Variants in OSBP observed in about 807,000 individuals in gnomAD.
OSBP encodes oxysterol binding protein.
OSBP carries 32 observed loss-of-function variants against 96.6 expected under a neutral mutation model. The observed-to-expected ratio is 0.33, with a 90% CI of 0.25 to 0.45. OSBP has a LOEUF of 0.45. Among genes scored for constraint, OSBP ranks in the 20% least tolerant of loss-of-function variants. The pLI is 1.00. For synonymous variants in OSBP, 369 were observed against 389.6 expected, an observed-to-expected ratio of 0.95 and a Z score of 0.62; for missense variants, 653 against 1,029.7, an observed-to-expected ratio of 0.63 and a Z score of 5.01.
chr11:59,608,383 T>A, intron 3 of OSBP, 101 bp downstream of exon 3: 1 of 1,405,334 alleles, frequency 7.1e-7, no homozygotes, highest in Non-Finnish European at 1.0e-6. Flanking sequence ...CAGGCCCTAA[T>A]GTTCTGTGCT....
At chr11:59,605,406 C>T (rs954387778) in intron 3 of OSBP, among the ~76,000 whole-genome samples, 3 of 151,836 alleles carry the variant, frequency 2.0e-5, no homozygotes, top group African/African-American at 7.3e-5. Context: ...CCTTTTATTT[C>T]ATTTATTTAT....
At chr11:59,578,660 C>T (rs1860386669) in intron 11 of OSBP, among the ~76,000 whole-genome samples, 2 of 152,120 alleles carry the variant, frequency 1.3e-5, no homozygotes, top group Non-Finnish European at 2.9e-5. Flanking sequence ...CTATGTTGCC[C>T]AGGCAGGTCT....
chr11:59,583,940 GTTTTTTTTTT>G (rs1196897419), intron 9 of OSBP, among the ~76,000 whole-genome samples: 1 of 93,582 alleles, frequency 1.1e-5, no homozygotes, highest in Non-Finnish European at 2.1e-5. Context: ...ACCTGATGGT[GTTTTTTTTTT>G]TTTTTTTTTT....
Position 59,610,415 on chromosome 11 carries a change from G to A in OSBP, c.537C>T (p.Ala179=), listed in dbSNP as rs764753230. ...RQRWVTALEL[A]KAKAVKMLAE... ...CCAGCATCTTCACAGCTTTGGCCTT[G>A]GCCAGTTCCAGGGCCGTCACCCAGC... Residue 179 remains alanine, a synonymous_variant, in exon 2 of 14, where the codon GCC becomes GCT. Transcript: ENST00000263847. 1 of 1,613,540 alleles carries A rather than the reference G, an allele frequency of 6.2e-7. No individual in the cohort carries two copies. Among genetic ancestry groups the A allele is most frequent in the South Asian group, 1.1e-5 (1 of 91,058 alleles).
At position 59,610,564 on chromosome 11, in the gene OSBP, A is replaced by C; in HGVS notation, c.388T>G (p.Cys130Gly). 6.2e-7 allele frequency: 1 copy of C among 1,614,106 alleles called. No homozygotes were observed. Among genetic ancestry groups the C allele is most frequent in the Non-Finnish European group, 8.5e-7 (1 of 1,179,904 alleles). Residue 130 changes from cysteine (C) to glycine (G), a missense_variant, in exon 2 of 14, where the codon TGC (cysteine) becomes GGC (glycine). Cys to Gly is a radical substitution (Grantham distance 159). Around this residue, in one of 6 missense-constraint regions of OSBP, gnomAD observed 308 missense variants for 573.1 expected, o/e 0.54. Transcript: ENST00000263847. ...YRSKAEMRHT[C>G]RGTINLATAN... ...GTGGCGAGGTTGATGGTACCACGGC[A>C]GGTATGTCTCATTTCTGCCTTTGAT...
intron 1 of OSBP, among the ~76,000 whole-genome samples, chr11:59,613,892 G>A (rs1003742721): frequency 2.0e-5 from 3 of 152,144 alleles, no homozygotes; most frequent in East Asian, 3.8e-4. Context: ...AATTCTCTAA[G>A]AGCCAATACA....
chr11:59,594,156 C>T lies in OSBP; in HGVS notation c.1411G>A (p.Glu471Lys). 6.2e-7 allele frequency: 1 copy of T among 1,614,104 alleles called. No individual in the cohort carries two copies. Among genetic ancestry groups the T allele is most frequent in the African/African-American group, 1.3e-5 (1 of 75,030 alleles). ...DRAAKCENSL[E>K]QLCYVAAFTV... ...AAAGCTGCAACATAACAGAGCTGTT[C>T]TAGAGAATTCTCACATTTTGCAGCT... The change falls in exon 8 of 14, where the codon GAA becomes AAA. Residue 471 changes from glutamate to lysine, a missense_variant. By Grantham distance (56) the Glu-to-Lys change is moderately conservative (BLOSUM62 1). This residue lies in a region of OSBP where 308 missense variants were observed against 573.1 expected (regional missense o/e 0.54). Transcript: ENST00000263847.
intron 7 of OSBP, among the ~76,000 whole-genome samples, chr11:59,596,015 C>G (rs1860649757): frequency 6.6e-6 from 1 of 151,022 alleles, no homozygotes; most frequent in African/African-American, 2.4e-5. Flanking sequence ...TAAACTAGAG[C>G]CTGCTTTTTC....
Position 59,615,517 on chromosome 11 carries a change from C to A in OSBP, c.148G>T (p.Val50Leu). 8.0e-7 allele frequency: 1 copy of A among 1,250,018 alleles called. No homozygotes were observed. Among genetic ancestry groups the A allele is most frequent in the Non-Finnish European group, 1.0e-6 (1 of 996,754 alleles). 77.4% of individuals were successfully genotyped at this position (1,250,018 alleles called of 1,614,324 possible). Residue 50 changes from valine (V) to leucine (L), a missense_variant, in exon 1 of 14, where the codon GTG becomes TTG. Physicochemically the swap from Val to Leu is conservative, Grantham distance 32. Transcript: ENST00000263847. The stretch of plus-strand genomic sequence containing the variant: ...GGGCCTCCCGCCGCCGCCGCGACCA[C>A]CGTCCCTGACGCGGCCCCGGAGCCT... ...GPGSGAASGT[V>L]VAAAAGGPGP...
chr11:59,606,259 T>C (rs139011111), intron 3 of OSBP, among the ~76,000 whole-genome samples: 9 of 152,152 alleles, frequency 5.9e-5, no homozygotes, highest in African/African-American at 1.4e-4. Flanking sequence ...CAGATGAATA[T>C]ACTAAAAGTG....
At chr11:59,593,754 G>A (rs748044086) in intron 8 of OSBP, 30 bp from the exon 9 acceptor site, 41 of 1,611,960 alleles carry the variant, frequency 2.5e-5, no homozygotes, top group Admixed American at 1.2e-4. Context: ...AATTAAGACG[G>A]CAGAAAGGAG....
At chr11:59,583,005 T>A (rs187270405) in intron 9 of OSBP, among the ~76,000 whole-genome samples, 31 of 152,210 alleles carry the variant, frequency 2.0e-4, no homozygotes, top group Admixed American at 2.0e-3. Flanking sequence ...TTAAAAGATA[T>A]ATAGTTAATA....
At chr11:59,610,020 G>A (rs533157937) in intron 2 of OSBP, among the ~76,000 whole-genome samples, 5 of 152,218 alleles carry the variant, frequency 3.3e-5, no homozygotes, top group East Asian at 3.9e-4. Flanking sequence ...CAACTGTTAC[G>A]CCTCTAGGAC....
At chr11:59,604,399 G>A (rs1860754859) in intron 3 of OSBP, among the ~76,000 whole-genome samples, 1 of 151,984 alleles carries the variant, frequency 6.6e-6, no homozygotes, top group Non-Finnish European at 1.5e-5. Flanking sequence ...ATTAAAAAAA[G>A]ATATAAAAAT....
intron 1 of OSBP, among the ~76,000 whole-genome samples, chr11:59,611,065 G>GCCT (rs1327358814): frequency 6.7e-6 from 1 of 150,186 alleles, no homozygotes; most frequent in Non-Finnish European, 1.5e-5. Flanking sequence ...AACTTGAGAG[G>GCCT]CGGAGTTTGC....
chr11:59,597,103 G>C (rs1186880977), intron 7 of OSBP, among the ~76,000 whole-genome samples: 1 of 152,126 alleles, frequency 6.6e-6, no homozygotes, highest in Non-Finnish European at 1.5e-5. Flanking sequence ...CTGTTGCCCA[G>C]GCTGGAGTGC....
At chr11:59,579,536 T>C (rs1174760015) in intron 11 of OSBP, among the ~76,000 whole-genome samples, 1 of 151,898 alleles carries the variant, frequency 6.6e-6, no homozygotes, top group Non-Finnish European at 1.5e-5. Context: ...TTTCTCCATG[T>C]TGGTCAGGCT....
chr11:59,596,846 G>C (rs771236588), intron 7 of OSBP, among the ~76,000 whole-genome samples: 7 of 152,136 alleles, frequency 4.6e-5, no homozygotes, highest in Non-Finnish European at 1.0e-4. Context: ...CTGGTATCTT[G>C]CATTAGTGAA....
At chr11:59,581,014 GT>G (rs1178733911) in intron 10 of OSBP, among the ~76,000 whole-genome samples, 2 of 152,178 alleles carry the variant, frequency 1.3e-5, no homozygotes, top group Non-Finnish European at 2.9e-5. Flanking sequence ...TTATATTAGT[GT>G]ATGTTGCTGC....
Sources: gnomAD v4.1 joint callset for allele counts (sites outside exome capture counted in the v4.1 genomes callset) on GRCh38, gnomAD v4.1.1 for gene constraint, gnomAD v4.1.1 regional missense constraint, MANE v1.5 for transcripts, NCBI Gene and HGNC (gene_info 2026-07-23, HGNC 2026-07-21) for gene names.